NME7: variants seen among roughly 807,000 people sequenced by gnomAD.
The protein encoded by NME7 is nucleoside diphosphate kinase 7.
Under a neutral mutation model 49.1 loss-of-function variants are expected in NME7, and 41 were observed. The observed-to-expected ratio is 0.83, with a 90% CI of 0.65 to 1.08. The LOEUF (loss-of-function observed/expected upper bound fraction) is 1.08, where lower values mean the gene tolerates loss of function less well. NME7 is among the 50% of genes least tolerant of loss of function. The pLI is 0.00. For synonymous variants in NME7, 139 were observed against 150.6 expected, an observed-to-expected ratio of 0.92 and a Z score of 0.56; for missense variants, 423 against 463.4, an observed-to-expected ratio of 0.91 and a Z score of 0.80.
intron 11 of NME7, among the ~76,000 whole-genome samples, chr1:169,133,388 C>G (rs897875497): frequency 3.3e-5 from 5 of 152,214 alleles, no homozygotes; most frequent in African/African-American, 1.2e-4. Context: ...GGCAGAGGAG[C>G]TCACACACAT....
At chr1:169,206,557 T>C (rs1660680074) in intron 10 of NME7, among the ~76,000 whole-genome samples, 1 of 152,286 alleles carries the variant, frequency 6.6e-6, no homozygotes, top group Non-Finnish European at 1.5e-5. Flanking sequence ...CATAATTTTG[T>C]CTTATGCAAA....
At chr1:169,149,240 C>A (rs922405348) in intron 11 of NME7, among the ~76,000 whole-genome samples, 1 of 151,956 alleles carries the variant, frequency 6.6e-6, no homozygotes, top group African/African-American at 2.4e-5. Flanking sequence ...ACTCGGGAGG[C>A]CAAGGCAGGA....
At chr1:169,238,258 TAAA>T (rs1384090997) in intron 7 of NME7, among the ~76,000 whole-genome samples, 1 of 151,230 alleles carries the variant, frequency 6.6e-6, no homozygotes, top group Non-Finnish European at 1.5e-5. Flanking sequence ...GAAAAACAAA[TAAA>T]AAAGGAAAAG....
At chr1:169,242,203 G>T (rs904345059) in intron 7 of NME7, among the ~76,000 whole-genome samples, 6 of 151,840 alleles carry the variant, frequency 4.0e-5, no homozygotes, top group Non-Finnish European at 7.4e-5. Context: ...ATGACCAAGA[G>T]ACGTTAATTT....
At chr1:169,153,945 T>C (rs755251781) in intron 11 of NME7, among the ~76,000 whole-genome samples, 8 of 152,036 alleles carry the variant, frequency 5.3e-5, no homozygotes, top group Non-Finnish European at 7.4e-5. Flanking sequence ...GCTCAAGTGA[T>C]CTTCTTGCCT....
At chr1:169,224,473 T>A (rs1002358307) in intron 10 of NME7, among the ~76,000 whole-genome samples, 1 of 152,208 alleles carries the variant, frequency 6.6e-6, no homozygotes, top group South Asian at 2.1e-4. Flanking sequence ...TGAGATTTCC[T>A]GTTTAATAGA....
chr1:169,313,776 G>C (rs549100586), intron 3 of NME7, among the ~76,000 whole-genome samples: 1 of 152,112 alleles, frequency 6.6e-6, no homozygotes, highest in Non-Finnish European at 1.5e-5. Flanking sequence ...AGGATAATCA[G>C]AGAAAAACTG....
At chr1:169,136,925 T>C (rs1160752955) in intron 11 of NME7, among the ~76,000 whole-genome samples, 10 of 152,198 alleles carry the variant, frequency 6.6e-5, no homozygotes, top group Admixed American at 4.6e-4. Flanking sequence ...GTATCAGAAA[T>C]GCCTATGGAG....
At position 169,270,457 on chromosome 1, in the gene NME7, A is replaced by T. The variant is rs1649454213; in HGVS notation, c.754+16846T>A. ...TGCACTTAAATCAGACCTAGGCTTT[A>T]ACTGGGGAAAAAAATTAAAGCACTT... On this transcript the variant is annotated intron_variant, in intron 7 of 11. Transcript: ENST00000367811. Among the ~76,000 whole-genome samples, 2 of 134,086 alleles carry T rather than the reference A, an allele frequency of 1.5e-5. 1 individual carries two copies. The highest frequency in any genetic ancestry group is 3.5e-5 in the Non-Finnish European group (2 of 57,032). The allele number at this position is 134,086 out of a possible 152,430, so 88.0% of individuals were successfully genotyped here. A position where few individuals can be genotyped will look rare whatever the true frequency, so the allele number is the denominator to read the frequency against.
At chr1:169,355,237 A>G (rs7412126) in intron 1 of NME7, among the ~76,000 whole-genome samples, 23 of 70,952 alleles carry the variant, frequency 3.2e-4, no homozygotes, top group South Asian at 2.1e-3. Flanking sequence ...ATAATATATA[A>G]TATATTATAT....
chr1:169,334,111 C>T (rs1372056176), intron 1 of NME7, among the ~76,000 whole-genome samples: 1 of 152,122 alleles, frequency 6.6e-6, no homozygotes, highest in Non-Finnish European at 1.5e-5. Flanking sequence ...CTTAAACTAA[C>T]TAGAAGTCTT....
intron 6 of NME7, among the ~76,000 whole-genome samples, chr1:169,289,062 A>T (rs1650393642): frequency 6.6e-6 from 1 of 152,064 alleles, no homozygotes; most frequent in Non-Finnish European, 1.5e-5. Context: ...GTCTCTTTTA[A>T]ATCCACAACC....
At chr1:169,145,416 T>C in intron 11 of NME7, among the ~76,000 whole-genome samples, 1 of 152,192 alleles carries the variant, frequency 6.6e-6, no homozygotes, top group Non-Finnish European at 1.5e-5. Flanking sequence ...TTTCACTTAC[T>C]CTGGTGCTCT....
intron 10 of NME7, among the ~76,000 whole-genome samples, chr1:169,183,511 A>G (rs1470950535): frequency 1.3e-5 from 2 of 152,190 alleles, no homozygotes; most frequent in African/African-American, 2.4e-5. Context: ...ATTTCTTAAG[A>G]AAAGCCCTGG....
intron 10 of NME7, among the ~76,000 whole-genome samples, chr1:169,227,230 G>A (rs1647381481): frequency 6.6e-6 from 1 of 152,060 alleles, no homozygotes; most frequent in Admixed American, 6.6e-5. Context: ...ATCATTCCTT[G>A]CGCTGAACAT....
chr1:169,342,846 A>AG (rs1457070703), intron 1 of NME7, among the ~76,000 whole-genome samples: 1 of 91,102 alleles, frequency 1.1e-5, no homozygotes, highest in Non-Finnish European at 2.1e-5. Flanking sequence ...ACATATATAT[A>AG]TAGTATATAT....
In NME7 at chr1:169,218,203, C is replaced by T. The variant is rs1044274724; in HGVS notation, c.990+12515G>A. ...TTTAGCTACACTTTTAGTTTCTTAC[C>T]GTAGTACAACTTATTCCCCTAGAGC... On this transcript the variant is annotated intron_variant, in intron 10 of 11. Transcript: ENST00000367811. Among the ~76,000 whole-genome samples, 8 of 152,172 alleles carry T rather than the reference C, an allele frequency of 5.3e-5. No individual in the cohort carries two copies. In the East Asian group the frequency reaches 1.5e-3, roughly 29 times the overall value.
At chr1:169,342,563 GTACATATATA>G (rs1557831162) in intron 1 of NME7, among the ~76,000 whole-genome samples, 7 of 93,806 alleles carry the variant, frequency 7.5e-5, no homozygotes, top group South Asian at 3.2e-4. Context: ...ATATATACAA[GTACATATATA>G]TAGTATATAT....
At chr1:169,354,779 ATATG>A (rs980039984) in intron 1 of NME7, among the ~76,000 whole-genome samples, 2 of 141,018 alleles carry the variant, frequency 1.4e-5, no homozygotes, top group Non-Finnish European at 3.0e-5. Flanking sequence ...TTATATATAT[ATATG>A]TGTGTGCACA....
Sources: allele counts gnomAD v4.1 joint callset (sites outside exome capture counted in the v4.1 genomes callset), GRCh38; gene constraint gnomAD v4.1.1; transcripts MANE v1.5; gene names NCBI Gene and HGNC (gene_info 2026-07-23, HGNC 2026-07-21).